LPP: variants seen among roughly 807,000 people sequenced by gnomAD.
LPP encodes LIM domain containing preferred translocation partner in lipoma.
Under a neutral mutation model 60.4 loss-of-function variants are expected in LPP, and 38 were observed. That is an observed-to-expected ratio of 0.63 (90% CI 0.49 to 0.83). LPP has a LOEUF of 0.83. Among genes scored for constraint, LPP ranks in the 40% least tolerant of loss-of-function variants. The pLI, the probability that LPP is intolerant of heterozygous loss-of-function variation, is 0.00. For missense variants in LPP, 902 were observed against 783.6 expected (o/e 1.15, Z -1.80); for synonymous variants, 328 against 290.8 (o/e 1.13, Z -1.30).
Position 188,524,762 on chromosome 3 carries a change from C to T in LPP, c.404C>T (p.Ser135Phe). The change falls in exon 6 of 12, where the codon TCC becomes TTC. Residue 135 changes from serine to phenylalanine, a missense_variant. Ser to Phe is a radical substitution (Grantham distance 155). Transcript: ENST00000617246. ...ATCTTGGCTGACCTTGAGTGCAGCTCCCCCTATAAGCCTCGGCCTCCACAG... is the reference window on the plus strand; with the variant it reads ...ATCTTGGCTGACCTTGAGTGCAGCTTCCCCTATAAGCCTCGGCCTCCACAG... ...TSILADLECS[S>F]PYKPRPPQSS... The T allele has an allele frequency of 6.2e-7, 1 of 1,613,996 alleles. No homozygotes were observed. Among genetic ancestry groups the T allele is most frequent in the Non-Finnish European group, 8.5e-7 (1 of 1,179,948 alleles).
At chr3:188,712,829 A>G (rs1265391780) in intron 8 of LPP, 3 of 150,084 alleles carry the variant, frequency 2.0e-5, no homozygotes, top group African/African-American at 7.3e-5. Context: ...ATGTAAATAA[A>G]TGATGTCAAC....
At chr3:188,218,410 C>T (rs1016948862) in intron 1 of LPP, among the ~76,000 whole-genome samples, 2 of 152,158 alleles carry the variant, frequency 1.3e-5, no homozygotes, top group African/African-American at 4.8e-5. Flanking sequence ...AGCTTGTGAC[C>T]TCATCCTCCT....
At chr3:188,172,433 TAGAAC>T (rs1224209226) in intron 1 of LPP, among the ~76,000 whole-genome samples, 1 of 152,200 alleles carries the variant, frequency 6.6e-6, no homozygotes, top group Non-Finnish European at 1.5e-5. Flanking sequence ...ATAAAGCCCT[TAGAAC>T]AGAGCCTGAC....
intron 2 of LPP, among the ~76,000 whole-genome samples, chr3:188,250,780 T>TCTTTC (rs1560158647): frequency 4.3e-5 from 4 of 93,708 alleles, no homozygotes; most frequent in Admixed American, 2.1e-4. Context: ...CTTTCTTTCT[T>TCTTTC]TCTTTCTGTC....
chr3:188,309,892 G>T (rs554221904), intron 2 of LPP, among the ~76,000 whole-genome samples: 4 of 152,232 alleles, frequency 2.6e-5, no homozygotes, highest in Admixed American at 2.6e-4. Context: ...GTTCTGATCT[G>T]AGTGAAATGT....
At position 188,875,025 on chromosome 3, in the gene LPP, G is replaced by A. The variant is rs1374019944; in HGVS notation, c.*546G>A. 1.3e-5 allele frequency: 3 copies of A among 222,706 alleles called. No homozygotes were observed. Among genetic ancestry groups the A allele is most frequent in the East Asian group, 1.3e-4 (2 of 15,182 alleles). 13.8% of individuals were successfully genotyped at this position (222,706 alleles called of 1,614,324 possible). A position where few individuals can be genotyped will look rare whatever the true frequency, so the allele number is the denominator to read the frequency against. On this transcript the variant is annotated 3_prime_UTR_variant, in exon 12 of 12. Coordinates refer to ENST00000617246, the MANE Select transcript of LPP (RefSeq NM_001375462.1). ...ATGCACAATTTTTTTTTGTTAGGCTGTAAAGAATTTAAGCTGTAAATTACA... is the reference window on the plus strand; with the variant it reads ...ATGCACAATTTTTTTTTGTTAGGCTATAAAGAATTTAAGCTGTAAATTACA...
chr3:188,750,065 C>T (rs781649275), intron 8 of LPP, among the ~76,000 whole-genome samples: 1 of 152,168 alleles, frequency 6.6e-6, no homozygotes, highest in Non-Finnish European at 1.5e-5. Context: ...GAGGGCTACT[C>T]TCTGTTTCCA....
At chr3:188,344,791 C>A (rs1763902757) in intron 3 of LPP, among the ~76,000 whole-genome samples, 1 of 152,180 alleles carries the variant, frequency 6.6e-6, no homozygotes, top group South Asian at 2.1e-4. Context: ...GTCCCTTACC[C>A]CAGCAACTTG....
intron 9 of LPP, among the ~76,000 whole-genome samples, chr3:188,771,549 C>CAAAAAAAAAAAAAAAAAAAAA (rs66712771): frequency 9.2e-6 from 1 of 108,944 alleles, no homozygotes; most frequent in Admixed American, 1.1e-4. Flanking sequence ...GACTCCATCT[C>CAAAAAAAAAAAAAAAAAAAAA]AAAAAAAAAA....
intron 9 of LPP, among the ~76,000 whole-genome samples, chr3:188,806,353 T>C (rs1749133345): frequency 6.6e-6 from 1 of 151,912 alleles, no homozygotes; most frequent in East Asian, 1.9e-4. Context: ...GAAAATATTC[T>C]TGTTCTGAAT....
intron 9 of LPP, among the ~76,000 whole-genome samples, chr3:188,783,168 A>G (rs1740372388): frequency 6.6e-6 from 1 of 152,040 alleles, no homozygotes; most frequent in Non-Finnish European, 1.5e-5. Flanking sequence ...AGCTTGGCCC[A>G]TATTTTCCCT....
In LPP at chr3:188,182,686, T is replaced by G. The variant is rs1282950548; in HGVS notation, c.-190+28434T>G. Among the ~76,000 whole-genome samples the G allele has an allele frequency of 6.6e-6, 1 of 151,654 alleles. No individual in the cohort carries two copies. The highest frequency in any genetic ancestry group is 2.4e-5 in the African/African-American group (1 of 41,286). ...GGAACATAGGGATCTTTAAGTCCAG[T>G]GATTTTTAACCAGCTAAAGAATTGA... On this transcript the variant is annotated intron_variant, in intron 1 of 11. Transcript: ENST00000617246. The surrounding 1 kb of genome is among the most constrained non-coding windows in gnomAD (Gnocchi z 4.4).
In LPP at chr3:188,741,084, C is replaced by T. The variant is rs1221458256; in HGVS notation, c.1241-19029C>T. Among the ~76,000 whole-genome samples, 4 of 151,474 alleles carry T rather than the reference C, an allele frequency of 2.6e-5. No individual in the cohort carries two copies. The East Asian group carries it at 7.7e-4, about 29-fold the overall frequency. On this transcript the variant is annotated intron_variant, in intron 8 of 11. Transcript: ENST00000617246. ...CCACTTCTTATAAGAAATTAAAACA[C>T]TAGTTTTTAATATCTTCAGAGAGAA...
chr3:188,512,240 T>G (rs923634220), intron 5 of LPP, among the ~76,000 whole-genome samples: 1 of 152,194 alleles, frequency 6.6e-6, no homozygotes, highest in African/African-American at 2.4e-5. Context: ...ATTTAACATA[T>G]AGAATCAGAA....
intron 7 of LPP, among the ~76,000 whole-genome samples, chr3:188,677,837 G>A (rs796451578): frequency 4.6e-5 from 7 of 152,152 alleles, no homozygotes; most frequent in African/African-American, 1.7e-4. Context: ...GTTTACATCA[G>A]TGCTGTTTCT....
chr3:188,342,101 T>G (rs561827264), intron 3 of LPP, among the ~76,000 whole-genome samples: 1 of 152,326 alleles, frequency 6.6e-6, no homozygotes, highest in South Asian at 2.1e-4. Flanking sequence ...TAACCCTTGA[T>G]TGAGCGCATT....
At chr3:188,249,793 TC>T (rs1406274709) in intron 2 of LPP, among the ~76,000 whole-genome samples, 1 of 143,106 alleles carries the variant, frequency 7.0e-6, no homozygotes, top group African/African-American at 2.6e-5. Context: ...TTTATCATCC[TC>T]CCCCTTCCTC....
chr3:188,232,461 C>T (rs1187897559), intron 2 of LPP, among the ~76,000 whole-genome samples: 2 of 151,658 alleles, frequency 1.3e-5, no homozygotes, highest in African/African-American at 4.9e-5. Flanking sequence ...GCCTTAGCCT[C>T]CCAAGTGGCT....
intron 6 of LPP, among the ~76,000 whole-genome samples, chr3:188,585,251 G>T (rs936561005): frequency 5.3e-5 from 8 of 152,164 alleles, no homozygotes; most frequent in Non-Finnish European, 8.8e-5. Flanking sequence ...GCATGTCAAT[G>T]CCTTGTTTTT....
Sources: gnomAD v4.1 joint callset for allele counts (sites outside exome capture counted in the v4.1 genomes callset) on GRCh38, gnomAD v4.1.1 for gene constraint, Gnocchi (gnomAD v3.1) non-coding constraint, MANE v1.5 for transcripts, NCBI Gene and HGNC (gene_info 2026-07-23, HGNC 2026-07-21) for gene names.